The following COPA variants were observed in gnomAD, a reference collection of about 807,000 sequenced individuals.
COPA encodes coat protein complex I subunit alpha, also known as coatomer subunit alpha.
In COPA, 10 loss-of-function variants were observed where a neutral mutation model predicts 158.7. The ratio of observed to expected loss-of-function variants is 0.06; its 90% CI spans 0.04 to 0.11. The LOEUF (loss-of-function observed/expected upper bound fraction) is 0.11, where lower values mean the gene tolerates loss of function less well. COPA is among the 10% of genes least tolerant of loss of function. COPA has a pLI of 1.00. For missense variants in COPA, 1,065 were observed against 1,536.7 expected, an observed-to-expected ratio of 0.69 and a Z score of 5.13; for synonymous variants, 462 against 542.8, an observed-to-expected ratio of 0.85 and a Z score of 2.07.
At chr1:160,336,808 A>C (rs911290007) in intron 3 of COPA, among the ~76,000 whole-genome samples, 1 of 152,160 alleles carries the variant, frequency 6.6e-6, no homozygotes, top group African/African-American at 2.4e-5. Flanking sequence ...AATTATAAAA[A>C]TTTCATTTCC....
chr1:160,338,134 C>A (rs1647859651), intron 3 of COPA, among the ~76,000 whole-genome samples: 1 of 152,150 alleles, frequency 6.6e-6, no homozygotes, highest in Non-Finnish European at 1.5e-5. Context: ...AATTAACACC[C>A]AGTTTTTCCT....
At chr1:160,323,404 T>G in intron 8 of COPA, 27 bp downstream of exon 8, 2 of 1,560,826 alleles carry the variant, frequency 1.3e-6, no homozygotes, top group Middle Eastern at 3.5e-4. Context: ...TTCTTAGATA[T>G]GGCGATAATG....
At chr1:160,306,008 AG>A (rs1453250799) in intron 15 of COPA, 8 of 589,894 alleles carry the variant, frequency 1.4e-5, no homozygotes, top group Middle Eastern at 4.5e-4. Flanking sequence ...TTGTATTATT[AG>A]GGAATCTGTG....
chr1:160,324,141 G>A (rs1360253529), intron 7 of COPA, among the ~76,000 whole-genome samples: 5 of 152,092 alleles, frequency 3.3e-5, no homozygotes, highest in South Asian at 2.1e-4. Flanking sequence ...GATTACAGGC[G>A]TGAGCCACTG....
At chr1:160,301,319 T>G (rs1658594597) in intron 17 of COPA, among the ~76,000 whole-genome samples, 1 of 152,172 alleles carries the variant, frequency 6.6e-6, no homozygotes, top group East Asian at 1.9e-4. Flanking sequence ...AAATGTTCAT[T>G]GGAGCAGTAT....
At position 160,332,455 on chromosome 1, in the gene COPA, A is replaced by T; in HGVS notation, c.489T>A (p.Asp163Glu). ...TGAACTTGGGCAGCTCACCAGAAAT[A>T]TCCCAAACGCGCACAGTCTGGTCCA... Reference protein sequence around the residue: ...ASLDQTVRVWDISGLRKKNLS... With the variant: ...ASLDQTVRVWEISGLRKKNLS... The change falls in exon 6 of 33, where the codon GAT becomes GAA. Residue 163 changes from aspartate to glutamate, a missense_variant. By Grantham distance (45) the Asp-to-Glu change is conservative. Around this residue, in one of 2 missense-constraint regions of COPA, gnomAD observed 980 missense variants for 1,357.8 expected, o/e 0.72. Transcript: ENST00000241704. 6.2e-7 allele frequency: 1 copy of T among 1,609,658 alleles called. No individual in the cohort carries two copies. The highest frequency in any genetic ancestry group is 8.5e-7 in the Non-Finnish European group (1 of 1,178,732).
At chr1:160,310,151 G>C in intron 12 of COPA, 41 bp downstream of exon 12, 1 of 1,315,038 alleles carries the variant, frequency 7.6e-7, no homozygotes, top group Non-Finnish European at 1.0e-6. Flanking sequence ...GAGACCTATG[G>C]AAAATGAGGA....
Position 160,297,695 on chromosome 1 carries a change from C to T in COPA, c.2028G>A (p.Lys676=). The T allele has an allele frequency of 2.5e-6, 4 of 1,614,158 alleles. No homozygotes were observed. The highest frequency in any genetic ancestry group is 2.5e-6 in the Non-Finnish European group (3 of 1,180,014). ...KALDDKNCWE[K]LGEVALLQGN... is the part of the protein sequence containing the mutation. Reference sequence around the variant, plus strand: ...CCTGCAGCAGGGCCACTTCTCCCAGCTTTTCCCAGCAGTTCTTGTCATCCA... The same window carrying T: ...CCTGCAGCAGGGCCACTTCTCCCAGTTTTTCCCAGCAGTTCTTGTCATCCA... The change falls in exon 20 of 33, where the codon AAG becomes AAA. Residue 676 remains lysine (K), a synonymous_variant. Transcript: ENST00000241704.
intron 3 of COPA, chr1:160,339,625 G>A (rs571125764): frequency 2.8e-5 from 9 of 327,258 alleles, no homozygotes; most frequent in African/African-American, 1.9e-4. Flanking sequence ...TTACCAAACT[G>A]TACATGCTAT....
At chr1:160,293,328 A>G (rs1265206111) in intron 26 of COPA, 58 bp downstream of exon 26, 16 of 1,608,906 alleles carry the variant, frequency 9.9e-6, no homozygotes, top group Non-Finnish European at 1.3e-5. Context: ...AACACCTGTT[A>G]TATACCAATC....
chr1:160,336,332 CAA>C (rs754757246), intron 3 of COPA, among the ~76,000 whole-genome samples: 14 of 109,510 alleles, frequency 1.3e-4, no homozygotes, highest in Admixed American at 2.9e-4. Context: ...GGCTCGGTCT[CAA>C]AAAAAAAAAA....
At chr1:160,322,093 C>T (rs1659347784) in intron 8 of COPA, among the ~76,000 whole-genome samples, 2 of 152,140 alleles carry the variant, frequency 1.3e-5, no homozygotes, top group South Asian at 4.1e-4. Context: ...ACATTCTTCA[C>T]AGAAACAGAA....
intron 8 of COPA, among the ~76,000 whole-genome samples, chr1:160,318,468 T>TAAAAAAAAAA (rs71090307): frequency 1.3e-4 from 2 of 15,664 alleles, no homozygotes; most frequent in African/African-American, 1.9e-4. Flanking sequence ...ACAATATTTG[T>TAAAAAAAAAA]AAAAAAAAAA....
intron 13 of COPA, among the ~76,000 whole-genome samples, chr1:160,308,762 T>G (rs1003178938): frequency 6.6e-6 from 1 of 152,204 alleles, no homozygotes; most frequent in Non-Finnish European, 1.5e-5. Flanking sequence ...TGAGGCATTA[T>G]AAGATTGGAA....
chr1:160,339,782 C>T lies in COPA; in HGVS notation c.228+127G>A, dbSNP rs74652392. 36 of 755,214 alleles carry T rather than the reference C, an allele frequency of 4.8e-5. No homozygotes were observed. In the East Asian group the frequency reaches 8.6e-4, roughly 18 times the overall value. The allele number at this position is 755,214 out of a possible 1,614,324, so 46.8% of individuals were successfully genotyped here. On this transcript the variant is annotated intron_variant, in intron 3 of 32. Coordinates refer to ENST00000241704, the MANE Select transcript of COPA (RefSeq NM_004371.4). ...ATAAATGTTTGCTGAGTAAGTTCTC[C>T]GGATAATGTTGTCAAAGGCCTGAGC...
At chr1:160,331,635 T>G (rs1647522686) in intron 6 of COPA, among the ~76,000 whole-genome samples, 1 of 131,164 alleles carries the variant, frequency 7.6e-6, no homozygotes, top group Non-Finnish European at 1.6e-5. Context: ...TGAGACAGAG[T>G]GAGACTCCAT....
intron 25 of COPA, 72 bp from the exon 26 acceptor site, chr1:160,293,535 C>G: frequency 6.7e-6 from 8 of 1,199,766 alleles, no homozygotes; most frequent in Non-Finnish European, 7.0e-6. Context: ...CACTCTGTCA[C>G]CTAGACTGGA....
In COPA at chr1:160,290,412, A is replaced by C. The variant is rs1304557597; in HGVS notation, c.3615+80T>G. On this transcript the variant is annotated intron_variant, in intron 32 of 32. Coordinates refer to ENST00000241704, the MANE Select transcript of COPA (RefSeq NM_004371.4). ...CAGGGAGCAGGGGACAAGCACAAGA[A>C]GAAAAAAAGGACCACCATGTTTCTT... 3 of 1,513,140 alleles carry C rather than the reference A, an allele frequency of 2.0e-6. No homozygotes were observed. The African/African-American group carries it at 4.2e-5, about 21-fold the overall frequency. The allele number at this position is 1,513,140 out of a possible 1,614,324, so 93.7% of individuals were successfully genotyped here.
intron 11 of COPA, among the ~76,000 whole-genome samples, chr1:160,311,437 C>CA (rs1403835570): frequency 0.018 from 2,393 of 133,170 alleles, 54 homozygotes; most frequent in African/African-American, 0.058. Flanking sequence ...GACTCCATCT[C>CA]AAAAAAAAAA....
Sources: allele counts gnomAD v4.1 joint callset (sites outside exome capture counted in the v4.1 genomes callset), GRCh38; gene constraint gnomAD v4.1.1; regional missense constraint gnomAD v4.1.1; transcripts MANE v1.5; gene names NCBI Gene and HGNC (gene_info 2026-07-23, HGNC 2026-07-21).